The following CTNNA3 variants were observed in gnomAD, a reference collection of about 807,000 sequenced individuals.
CTNNA3 encodes the protein catenin alpha-3.
A neutral mutation model predicts 95.7 loss-of-function variants in CTNNA3; 76 were observed. The observed-to-expected ratio is 0.79, with a 90% CI of 0.66 to 0.96. CTNNA3 has a LOEUF of 0.96. CTNNA3 is among the 40% of genes least tolerant of loss of function. The pLI is 0.00. For synonymous variants in CTNNA3, 431 were observed against 374.4 expected (o/e 1.15, Z -1.74); for missense variants, 1,191 against 1,089.8 (o/e 1.09, Z -1.31).
In CTNNA3 at chr10:66,529,450, GTTT is replaced by G. The variant is rs58249940; in HGVS notation, c.1375-8680_1375-8678del. On this transcript the variant is annotated intron_variant, in intron 10 of 17. Transcript: ENST00000433211. ...CCCAGCCAAACAGTGTTTTTTTTTT[GTTT>G]TTTTTTTTTAATAAAAAAACCTATC... 3.5e-5 allele frequency among the ~76,000 whole-genome samples: 5 copies of G among 141,596 alleles called. No individual in the cohort carries two copies. In the South Asian group the frequency reaches 1.1e-3, roughly 31 times the overall value. The allele number at this position is 141,596 out of a possible 152,430, so 92.9% of individuals were successfully genotyped here. A position where few individuals can be genotyped will look rare whatever the true frequency, so the allele number is the denominator to read the frequency against.
At chr10:66,501,167 T>G (rs1840265331) in intron 11 of CTNNA3, among the ~76,000 whole-genome samples, 1 of 152,200 alleles carries the variant, frequency 6.6e-6, no homozygotes, top group Admixed American at 6.5e-5. Context: ...AATTTGATTA[T>G]TATACATCTG....
At chr10:67,077,824 TAAAG>T (rs1233748322) in intron 7 of CTNNA3, among the ~76,000 whole-genome samples, 1 of 151,786 alleles carries the variant, frequency 6.6e-6, no homozygotes, top group Non-Finnish European at 1.5e-5. Flanking sequence ...AATGAATTAA[TAAAG>T]AGAGAAAATT....
Position 67,245,664 on chromosome 10 carries a change from C to T in CTNNA3, c.580-25794G>A, listed in dbSNP as rs765941079. The stretch of plus-strand genomic sequence containing the variant: ...CACGAAGTCAAGAGATTGAGACCAT[C>T]CTGGCCAACATTGTGAAACCCCGTC... On this transcript the variant is annotated intron_variant, in intron 5 of 17. Coordinates refer to ENST00000433211, the MANE Select transcript of CTNNA3 (RefSeq NM_013266.4). Among the ~76,000 whole-genome samples the T allele has an allele frequency of 7.9e-4, 120 of 152,146 alleles. No individual in the cohort carries two copies. In the Middle Eastern group the frequency reaches 0.02, roughly 26 times the overall value.
At chr10:67,275,689 T>C (rs1839159866) in intron 5 of CTNNA3, among the ~76,000 whole-genome samples, 1 of 152,198 alleles carries the variant, frequency 6.6e-6, no homozygotes, top group East Asian at 1.9e-4. Flanking sequence ...AATTTTCCCA[T>C]TGGTGTTTAC....
intron 12 of CTNNA3, among the ~76,000 whole-genome samples, chr10:66,334,873 A>T (rs1168492017): frequency 6.6e-6 from 1 of 152,130 alleles, no homozygotes; most frequent in Non-Finnish European, 1.5e-5. Flanking sequence ...TACACCAATC[A>T]GACGTAGATT....
intron 12 of CTNNA3, among the ~76,000 whole-genome samples, chr10:66,332,918 C>G (rs2092348671): frequency 6.6e-6 from 1 of 152,012 alleles, no homozygotes; most frequent in Admixed American, 6.6e-5. Context: ...TGTTATTGGT[C>G]TATTCTGAAA....
chr10:66,183,633 T>G lies in CTNNA3; in HGVS notation c.1885-80384A>C, dbSNP rs190072909. ...TCTCAGTAATGTTTCTATGAATGTT[T>G]TTGTACATATTTCTTGATTTACAAA... On this transcript the variant is annotated intron_variant, in intron 13 of 17. Coordinates refer to ENST00000433211, the MANE Select transcript of CTNNA3 (RefSeq NM_013266.4). 4.6e-3 allele frequency among the ~76,000 whole-genome samples: 695 copies of G among 152,364 alleles called. 1 individual carries two copies. The highest frequency in any genetic ancestry group is 8.1e-3 in the Admixed American group (124 of 15,310).
intron 6 of CTNNA3, 47 bp downstream of exon 6, chr10:67,219,560 T>C (rs775902238): frequency 1.3e-6 from 2 of 1,524,546 alleles, no homozygotes; most frequent in Admixed American, 4.1e-5. Context: ...TTATTATTAT[T>C]ACTGTATTAG....
At chr10:66,159,626 GTT>G (rs34684370) in intron 13 of CTNNA3, among the ~76,000 whole-genome samples, 16 of 114,902 alleles carry the variant, frequency 1.4e-4, no homozygotes, top group African/African-American at 2.6e-4. Context: ...TTTGTTTTCT[GTT>G]TTTTTTTTTT....
chr10:66,918,292 TAACCAATA>T (rs1007324370), intron 7 of CTNNA3, among the ~76,000 whole-genome samples: 1 of 152,220 alleles, frequency 6.6e-6, no homozygotes, highest in Non-Finnish European at 1.5e-5. Flanking sequence ...ATATGAATGT[TAACCAATA>T]AAGTTCTCAA....
rs559880536 is a variant in CTNNA3, at chr10:66,551,654, C to T, written c.1375-30881G>A. On this transcript the variant is annotated intron_variant, in intron 10 of 17. Transcript: ENST00000433211. Reference sequence around the variant, plus strand: ...CGTCTTGTGTGTGTTTGATAAAATACTTTGTAACATGTGGATCTTGTAATA... The same window carrying T: ...CGTCTTGTGTGTGTTTGATAAAATATTTTGTAACATGTGGATCTTGTAATA... Among the ~76,000 whole-genome samples, 17 of 152,064 alleles carry T rather than the reference C, an allele frequency of 1.1e-4. No individual in the cohort carries two copies. In the South Asian group the frequency reaches 3.5e-3, roughly 32 times the overall value.
intron 12 of CTNNA3, among the ~76,000 whole-genome samples, chr10:66,372,714 A>G (rs1266531771): frequency 6.6e-6 from 1 of 152,186 alleles, no homozygotes; most frequent in Non-Finnish European, 1.5e-5. Context: ...GAAACTTACA[A>G]TCATGGCAGA....
chr10:67,569,266 G>T (rs1311064586), intron 3 of CTNNA3, among the ~76,000 whole-genome samples: 1 of 152,172 alleles, frequency 6.6e-6, no homozygotes, highest in Non-Finnish European at 1.5e-5. Context: ...ATTATGAGGT[G>T]TGCGGATGAT....
chr10:67,036,479 C>T (rs1854064921), intron 7 of CTNNA3, among the ~76,000 whole-genome samples: 2 of 152,080 alleles, frequency 1.3e-5, no homozygotes, highest in Admixed American at 1.3e-4. Flanking sequence ...GCCTGGCCAA[C>T]ATGGTGAAAC....
intron 7 of CTNNA3, among the ~76,000 whole-genome samples, chr10:67,089,715 A>ATG (rs775306401): frequency 3.3e-4 from 31 of 93,374 alleles, no homozygotes; most frequent in Non-Finnish European, 5.1e-4. Context: ...GTGTATATAC[A>ATG]TATGTGTGTG....
intron 17 of CTNNA3, among the ~76,000 whole-genome samples, chr10:65,940,371 T>C (rs571661835): frequency 6.6e-6 from 1 of 152,332 alleles, no homozygotes; most frequent in South Asian, 2.1e-4. Flanking sequence ...ACTACAGGCA[T>C]GTTCTGCTCT....
chr10:66,742,592 G>T (rs142822068), intron 9 of CTNNA3, among the ~76,000 whole-genome samples: 1 of 152,146 alleles, frequency 6.6e-6, no homozygotes, highest in African/African-American at 2.4e-5. Flanking sequence ...AGAACCTGCC[G>T]ACAGGATGTC....
At chr10:66,175,162 G>A (rs1027445683) in intron 13 of CTNNA3, among the ~76,000 whole-genome samples, 2 of 151,754 alleles carry the variant, frequency 1.3e-5, no homozygotes, top group African/African-American at 4.8e-5. Context: ...CGGCCCCACA[G>A]AATCAACACA....
intron 7 of CTNNA3, among the ~76,000 whole-genome samples, chr10:67,162,196 A>G (rs1861580611): frequency 6.6e-6 from 1 of 152,090 alleles, no homozygotes; most frequent in Non-Finnish European, 1.5e-5. Context: ...AACATTTTAT[A>G]GAACACCTTA....
Sources: allele counts gnomAD v4.1 joint callset (sites outside exome capture counted in the v4.1 genomes callset), GRCh38; gene constraint gnomAD v4.1.1; transcripts MANE v1.5; gene names NCBI Gene and HGNC (gene_info 2026-07-23, HGNC 2026-07-21).